Variants in CEP128 observed in about 807,000 individuals in gnomAD.
CEP128 encodes the protein centrosomal protein 128kDa.
CEP128 carries 132 observed loss-of-function variants against 156.7 expected under a neutral mutation model. That is an observed-to-expected ratio of 0.84 (90% CI 0.73 to 0.97). The LOEUF is 0.97. Ranked by LOEUF, CEP128 falls within the 50% of genes least tolerant of loss-of-function variation. The pLI, the probability that CEP128 is intolerant of heterozygous loss-of-function variation, is 0.00. For synonymous variants in CEP128, 469 were observed against 448.9 expected (o/e 1.04, Z -0.57); for missense variants, 1,252 against 1,281.9 (o/e 0.98, Z 0.36).
At chr14:80,486,139 C>T (rs923291771), downstream of CEP128, among the ~76,000 whole-genome samples, 2 of 152,026 alleles carry the variant, frequency 1.3e-5, no homozygotes, top group African/African-American at 2.4e-5. Flanking sequence ...TAAATAAGTA[C>T]TCTTTCAAAG....
intron 11 of CEP128, among the ~76,000 whole-genome samples, chr14:80,837,664 C>T (rs1424684627): frequency 8.5e-5 from 13 of 152,248 alleles, no homozygotes; most frequent in Admixed American, 3.9e-4. Context: ...TGTGGTGAGC[C>T]AAGATTGCGC....
At position 80,778,702 on chromosome 14, in the gene CEP128, G is replaced by T. The variant is rs549342565; in HGVS notation, c.2212-656C>A. 3.9e-5 allele frequency among the ~76,000 whole-genome samples: 6 copies of T among 151,970 alleles called. No individual in the cohort carries two copies. In the South Asian group the frequency reaches 1.2e-3, roughly 32 times the overall value. ...TATCTATTTATTGATCTTTATTTAG[G>T]GTATAACCAGAACCAGCTTTTAAAA... is the stretch of plus-strand genomic sequence containing the variant. On this transcript the variant is annotated intron_variant, in intron 15 of 24. Transcript: ENST00000555265.
At chr14:80,647,056 T>TGC (rs1566831569) in intron 19 of CEP128, among the ~76,000 whole-genome samples, 1,834 of 11,676 alleles carry the variant, frequency 0.16, 191 homozygotes, top group Non-Finnish European at 0.21. Context: ...TATATATATA[T>TGC]ATATATATAT....
chr14:80,929,478 T>G (rs150120368), intron 2 of CEP128, among the ~76,000 whole-genome samples: 1 of 152,158 alleles, frequency 6.6e-6, no homozygotes, highest in Non-Finnish European at 1.5e-5. Flanking sequence ...TAAGTGCCCA[T>G]CAACTGATGA....
intron 1 of CEP128, among the ~76,000 whole-genome samples, chr14:80,940,654 G>A (rs1236793269): frequency 6.9e-6 from 1 of 144,930 alleles, no homozygotes; most frequent in Non-Finnish European, 1.5e-5. Flanking sequence ...AGTCCAGCCT[G>A]GGCGACAGAG....
intron 16 of CEP128, among the ~76,000 whole-genome samples, chr14:80,770,349 C>T (rs1416138711): frequency 2.6e-5 from 4 of 152,208 alleles, no homozygotes; most frequent in African/African-American, 9.7e-5. Flanking sequence ...TACTTCTATG[C>T]ACCTTTATTT....
chr14:80,709,454 T>C lies in CEP128; in HGVS notation c.2806+33621A>G, dbSNP rs193193673. 3.9e-3 allele frequency among the ~76,000 whole-genome samples: 590 copies of C among 152,306 alleles called. 1 individual carries two copies. The highest frequency in any genetic ancestry group is 7.2e-3 in the Admixed American group (110 of 15,288). On this transcript the variant is annotated intron_variant, in intron 19 of 24. Coordinates refer to ENST00000555265, the MANE Select transcript of CEP128 (RefSeq NM_152446.5). ...CACCCAGCCAGTTTTAAATTATGTT[T>C]TAATATCTGGTAGCATTAACCTTTT...
At chr14:80,889,960 G>A (rs28740222) in intron 8 of CEP128, among the ~76,000 whole-genome samples, 1 of 152,038 alleles carries the variant, frequency 6.6e-6, no homozygotes, top group Non-Finnish European at 1.5e-5. Flanking sequence ...CCAAAAAACT[G>A]GGCAAAGGAT....
chr14:80,914,012 C>T (rs1429203726), intron 4 of CEP128, among the ~76,000 whole-genome samples: 3 of 152,082 alleles, frequency 2.0e-5, no homozygotes, highest in African/African-American at 7.2e-5. Flanking sequence ...ATAAACCATC[C>T]TTAAAATTCT....
At chr14:80,957,364 T>C (rs1425127692) in intron 2 of CEP128, among the ~76,000 whole-genome samples, 1 of 152,004 alleles carries the variant, frequency 6.6e-6, no homozygotes, top group African/African-American at 2.4e-5. Context: ...GTTATTTATT[T>C]GCATGCCCAC....
At chr14:80,601,836 T>C (rs1447700567) in intron 19 of CEP128, among the ~76,000 whole-genome samples, 1 of 151,638 alleles carries the variant, frequency 6.6e-6, no homozygotes, top group Non-Finnish European at 1.5e-5. Flanking sequence ...CACTGTCATA[T>C]ATGCAGTCCA....
intron 9 of CEP128, among the ~76,000 whole-genome samples, chr14:80,849,075 T>C (rs1886757196): frequency 6.6e-6 from 1 of 152,240 alleles, no homozygotes; most frequent in East Asian, 1.9e-4. Flanking sequence ...ATGAACAGTT[T>C]CCAATTTAAA....
chr14:80,789,203 A>G (rs1275433719), intron 14 of CEP128, among the ~76,000 whole-genome samples: 3 of 152,174 alleles, frequency 2.0e-5, no homozygotes, highest in Admixed American at 6.6e-5. Flanking sequence ...ATGAAGTCCA[A>G]TGTGACAGGA....
chr14:80,635,508 T>C (rs1595126678), intron 19 of CEP128, among the ~76,000 whole-genome samples: 1 of 152,178 alleles, frequency 6.6e-6, no homozygotes, highest in South Asian at 2.1e-4. Flanking sequence ...TGTTATATAG[T>C]CCTTGAGGCT....
intron 9 of CEP128, among the ~76,000 whole-genome samples, chr14:80,846,480 T>G (rs1886608597): frequency 6.6e-6 from 1 of 152,056 alleles, no homozygotes; most frequent in South Asian, 2.1e-4. Flanking sequence ...GGGCACTAGC[T>G]CACGGTTAGT....
intron 19 of CEP128, among the ~76,000 whole-genome samples, chr14:80,625,912 C>A (rs1893699996): frequency 6.6e-6 from 1 of 150,396 alleles, no homozygotes; most frequent in South Asian, 2.1e-4. Flanking sequence ...AAATTTTTAC[C>A]ATATCAGATT....
chr14:80,534,618 G>A (rs986986230), intron 21 of CEP128, among the ~76,000 whole-genome samples: 1 of 152,182 alleles, frequency 6.6e-6, no homozygotes, highest in African/African-American at 2.4e-5. Context: ...GAGGTCAGGA[G>A]ATTGAGACCA....
intron 19 of CEP128, among the ~76,000 whole-genome samples, chr14:80,713,883 A>G (rs1246443728): frequency 6.6e-6 from 1 of 152,206 alleles, no homozygotes; most frequent in African/African-American, 2.4e-5. Context: ...AGCAGCATGA[A>G]AAATCTTGGT....
At chr14:80,706,164 A>G (rs1013476241) in intron 19 of CEP128, among the ~76,000 whole-genome samples, 10 of 151,804 alleles carry the variant, frequency 6.6e-5, no homozygotes, top group South Asian at 2.1e-4. Context: ...TTTGGTTACT[A>G]TAAGACAAAA....
Sources: allele counts gnomAD v4.1 joint callset (sites outside exome capture counted in the v4.1 genomes callset), GRCh38; gene constraint gnomAD v4.1.1; transcripts MANE v1.5; gene names NCBI Gene and HGNC (gene_info 2026-07-23, HGNC 2026-07-21).